ADAMTS18: variants seen among roughly 807,000 people sequenced by gnomAD.
The protein encoded by ADAMTS18 is ADAM metallopeptidase with thrombospondin type 1 motif 18.
A neutral mutation model predicts 165.9 loss-of-function variants in ADAMTS18; 157 were observed. The observed-to-expected ratio is 0.95, with a 90% confidence interval of 0.83 to 1.08. The LOEUF is 1.08. ADAMTS18 is among the 50% of genes least tolerant of loss of function. The pLI is 0.00. For synonymous variants in ADAMTS18, 782 were observed against 578.2 expected (o/e 1.35, Z -5.06); for missense variants, 2,040 against 1,534.0 (o/e 1.33, Z -5.51).
chr16:77,341,981 G>T (rs2056405487), intron 10 of ADAMTS18, among the ~76,000 whole-genome samples, 182 bp from the exon 11 acceptor site: 1 of 152,144 alleles, frequency 6.6e-6, no homozygotes, highest in Non-Finnish European at 1.5e-5. Context: ...TATATAAGTG[G>T]GGGGTTTCTA....
rs1282748768 is a variant in ADAMTS18, at chr16:77,359,438, G to C, written c.1217-15C>G. Reference sequence around the variant, plus strand: ...GGGGGCAAACCCTATTGAAAGAGCAGTTTCAAATGTGAATCCAAAGGTTGC... The same window carrying C: ...GGGGGCAAACCCTATTGAAAGAGCACTTTCAAATGTGAATCCAAAGGTTGC... On this transcript the variant is annotated splice_polypyrimidine_tract_variant and intron_variant, in intron 7 of 22. Coordinates refer to ENST00000282849, the MANE Select transcript of ADAMTS18 (RefSeq NM_199355.4). The C allele has an allele frequency of 1.2e-6, 2 of 1,601,324 alleles. No homozygotes were observed. Among genetic ancestry groups the C allele is most frequent in the Admixed American group, 1.7e-5 (1 of 59,560 alleles).
At chr16:77,288,179 TC>T (rs976393235) in intron 22 of ADAMTS18, among the ~76,000 whole-genome samples, 3 of 152,170 alleles carry the variant, frequency 2.0e-5, no homozygotes, top group Admixed American at 2.0e-4. Flanking sequence ...ATGTTGACTT[TC>T]CCCATCCTTC....
chr16:77,350,285 G>C (rs1237790828), intron 10 of ADAMTS18, among the ~76,000 whole-genome samples: 1 of 152,124 alleles, frequency 6.6e-6, no homozygotes, highest in Non-Finnish European at 1.5e-5. Context: ...CAGAAAACTC[G>C]TGGTTGGGAA....
At chr16:77,289,587 C>T (rs1173474387) in intron 21 of ADAMTS18, 176 bp from the exon 22 acceptor site, 4 of 727,212 alleles carry the variant, frequency 5.5e-6, no homozygotes, top group African/African-American at 5.3e-5. Flanking sequence ...AGTGTGATCC[C>T]TTTGATCTGA....
At chr16:77,429,476 C>A (rs996452084) in intron 3 of ADAMTS18, among the ~76,000 whole-genome samples, 2 of 152,058 alleles carry the variant, frequency 1.3e-5, no homozygotes, top group African/African-American at 4.8e-5. Context: ...AAAAGATAAC[C>A]ATTGGGTACT....
At chr16:77,352,147 T>C (rs1431998992) in intron 10 of ADAMTS18, among the ~76,000 whole-genome samples, 1 of 152,190 alleles carries the variant, frequency 6.6e-6, no homozygotes, top group Non-Finnish European at 1.5e-5. Context: ...TTAATAGTTA[T>C]GCATTGAAAC....
intron 3 of ADAMTS18, among the ~76,000 whole-genome samples, chr16:77,401,028 G>A (rs1342143352): frequency 2.0e-5 from 3 of 152,134 alleles, no homozygotes; most frequent in Non-Finnish European, 1.5e-5. Flanking sequence ...GGCTGAGGTG[G>A]GTGGATCACC....
At chr16:77,300,044 G>A in intron 17 of ADAMTS18, 1 of 531,110 alleles carries the variant, frequency 1.9e-6, no homozygotes, top group Non-Finnish European at 3.3e-6. Context: ...TAACTTTTGA[G>A]CCTTGGTTGT....
intron 4 of ADAMTS18, among the ~76,000 whole-genome samples, chr16:77,367,099 G>T (rs1462687797): frequency 6.6e-6 from 1 of 152,042 alleles, no homozygotes; most frequent in Non-Finnish European, 1.5e-5. Flanking sequence ...TGTCCTCAAA[G>T]GAGACATCCA....
At chr16:77,339,598 T>TA (rs10634951) in intron 11 of ADAMTS18, among the ~76,000 whole-genome samples, 9,404 of 146,840 alleles carry the variant, frequency 0.064, 476 homozygotes, top group African/African-American at 0.14. Context: ...CTTTTTCAAT[T>TA]AAAAAAAAAA....
intron 3 of ADAMTS18, among the ~76,000 whole-genome samples, chr16:77,415,689 G>T (rs899365872): frequency 7.6e-6 from 1 of 132,182 alleles, no homozygotes. Flanking sequence ...AAGCTTCAAC[G>T]TTATCAGATG....
intron 21 of ADAMTS18, among the ~76,000 whole-genome samples, chr16:77,290,210 T>TAGAC (rs1197749144): frequency 6.6e-6 from 1 of 152,080 alleles, no homozygotes; most frequent in African/African-American, 2.4e-5. Context: ...AAGGGGAAGA[T>TAGAC]AGATAGTAAA....
intron 3 of ADAMTS18, among the ~76,000 whole-genome samples, chr16:77,427,802 G>C (rs72801687): frequency 0.11 from 16,447 of 152,178 alleles, 1,018 homozygotes; most frequent in Middle Eastern, 0.13. Flanking sequence ...GGAGGTGGGT[G>C]CATTTTAAGA....
chr16:77,351,571 T>C lies in ADAMTS18; in HGVS notation c.1614+2162A>G, dbSNP rs192804222. On this transcript the variant is annotated intron_variant, in intron 10 of 22. Coordinates refer to ENST00000282849, the MANE Select transcript of ADAMTS18 (RefSeq NM_199355.4). ...TATTACCAACTGTGCTTTTGCTGCA[T>C]AGTATGTAATAAATTTGTGATTAAT... is the stretch of plus-strand genomic sequence containing the variant. Among the ~76,000 whole-genome samples the C allele has an allele frequency of 1.6e-3, 239 of 152,360 alleles. 1 individual carries two copies. Among genetic ancestry groups the C allele is most frequent in the African/African-American group, 5.3e-3 (222 of 41,586 alleles).
At chr16:77,380,264 G>T (rs2057012051) in intron 3 of ADAMTS18, among the ~76,000 whole-genome samples, 2 of 152,186 alleles carry the variant, frequency 1.3e-5, no homozygotes, top group Admixed American at 1.3e-4. Flanking sequence ...TGTCTTCAAA[G>T]CCCTTCAACT....
At chr16:77,330,628 G>T (rs186474386) in intron 12 of ADAMTS18, among the ~76,000 whole-genome samples, 4 of 152,200 alleles carry the variant, frequency 2.6e-5, no homozygotes, top group Non-Finnish European at 5.9e-5. Context: ...ATGAAAAACA[G>T]GGCTTCCGTC....
chr16:77,400,638 C>A (rs1174471159), intron 3 of ADAMTS18, among the ~76,000 whole-genome samples: 1 of 151,796 alleles, frequency 6.6e-6, no homozygotes, highest in Non-Finnish European at 1.5e-5. Context: ...CCCGTCACCG[C>A]ACCCGGCTAA....
chr16:77,407,824 T>C (rs1443192180), intron 3 of ADAMTS18, among the ~76,000 whole-genome samples: 1 of 152,178 alleles, frequency 6.6e-6, no homozygotes, highest in East Asian at 1.9e-4. Flanking sequence ...GGCAAATAAA[T>C]ATAACTTATA....
chr16:77,320,593 C>G (rs1230091822), intron 15 of ADAMTS18, among the ~76,000 whole-genome samples: 1 of 151,690 alleles, frequency 6.6e-6, no homozygotes, highest in East Asian at 2.0e-4. Flanking sequence ...GAGCTGAGAT[C>G]ACACTACTGC....
Sources: allele counts gnomAD v4.1 joint callset (sites outside exome capture counted in the v4.1 genomes callset), GRCh38; gene constraint gnomAD v4.1.1; transcripts MANE v1.5; gene names NCBI Gene and HGNC (gene_info 2026-07-23, HGNC 2026-07-21).